SEPHS1: variants seen among roughly 807,000 people sequenced by gnomAD.
SEPHS1 encodes the protein zincore component SEPHS1.
SEPHS1 carries 7 observed loss-of-function variants against 39.2 expected under a neutral mutation model. The ratio of observed to expected loss-of-function variants is 0.18; its 90% CI spans 0.10 to 0.34. The LOEUF (loss-of-function observed/expected upper bound fraction) is 0.34, where lower values mean the gene tolerates loss of function less well. SEPHS1 is among the 10% of genes least tolerant of loss of function. The pLI is 1.00. For synonymous variants in SEPHS1, 190 were observed against 195.5 expected, an observed-to-expected ratio of 0.97 and a Z score of 0.23; for missense variants, 253 against 514.5, an observed-to-expected ratio of 0.49 and a Z score of 4.92.
At position 13,326,071 on chromosome 10, in the gene SEPHS1, A is replaced by G. The variant is rs1400462319; in HGVS notation, c.751+2280T>C. ...TTTTGAGTTAATCTTCACGAAAGGT[A>G]TAAGATCTGCATCCAGAATAATTTT... On this transcript the variant is annotated intron_variant, in intron 7 of 8. Transcript: ENST00000327347. Among the ~76,000 whole-genome samples the G allele has an allele frequency of 2.0e-5, 3 of 152,180 alleles. No homozygotes were observed. The East Asian group carries it at 5.8e-4, about 29-fold the overall frequency.
intron 6 of SEPHS1, among the ~76,000 whole-genome samples, chr10:13,328,772 C>A (rs1357705215): frequency 6.6e-6 from 1 of 152,152 alleles, no homozygotes; most frequent in East Asian, 1.9e-4. Context: ...GAAGGGCTCC[C>A]CCATCCGTGA....
At chr10:13,319,396 G>A (rs1171864587) in intron 8 of SEPHS1, 40 bp from the exon 9 acceptor site, 16 of 1,597,530 alleles carry the variant, frequency 1.0e-5, no homozygotes, top group African/African-American at 2.7e-5. Flanking sequence ...GTGTTGACAT[G>A]ACAGCAGCTT....
At chr10:13,346,762 G>A (rs907140348) in intron 1 of SEPHS1, among the ~76,000 whole-genome samples, 1 of 152,116 alleles carries the variant, frequency 6.6e-6, no homozygotes, top group African/African-American at 2.4e-5. Flanking sequence ...GAGGCATCCA[G>A]TTATTTTCCT....
chr10:13,338,671 TTCCAG>T (rs1195484750), intron 3 of SEPHS1, 29 bp downstream of exon 3: 3 of 1,532,778 alleles, frequency 2.0e-6, no homozygotes, highest in Non-Finnish European at 1.8e-6. Flanking sequence ...AAATAAGCCC[TTCCAG>T]TCACAAAAAC....
In SEPHS1 at chr10:13,348,016, C is replaced by T. The variant is rs1373211934; in HGVS notation, c.-95G>A. 1 of 149,318 alleles carries T rather than the reference C, an allele frequency of 6.7e-6. No homozygotes were observed. Among genetic ancestry groups the T allele is most frequent in the Admixed American group, 6.6e-5 (1 of 15,086 alleles). 9.2% of individuals were successfully genotyped at this position (149,318 alleles called of 1,614,324 possible). On this transcript the variant is annotated 5_prime_UTR_variant, in exon 1 of 9. Coordinates refer to ENST00000327347, the MANE Select transcript of SEPHS1 (RefSeq NM_012247.5). Reference sequence around the variant, plus strand: ...GCCGCTTACCGGCTCGCTTTGCGCCCTCCGCCTCCTCCCGAAAACGGGCCG... The same window carrying T: ...GCCGCTTACCGGCTCGCTTTGCGCCTTCCGCCTCCTCCCGAAAACGGGCCG...
intron 2 of SEPHS1, among the ~76,000 whole-genome samples, chr10:13,339,140 G>A (rs186616927): frequency 7.9e-5 from 12 of 152,196 alleles, no homozygotes; most frequent in Non-Finnish European, 1.5e-4. Flanking sequence ...GACTGGTACC[G>A]TATACAATTT....
intron 4 of SEPHS1, among the ~76,000 whole-genome samples, chr10:13,334,880 C>G (rs1833580968): frequency 6.6e-6 from 1 of 152,230 alleles, no homozygotes; most frequent in South Asian, 2.1e-4. Flanking sequence ...AGCCAGCTGT[C>G]CAGTGCTCCT....
intron 2 of SEPHS1, among the ~76,000 whole-genome samples, chr10:13,339,206 G>A (rs1441226380): frequency 6.6e-6 from 1 of 152,194 alleles, no homozygotes; most frequent in Non-Finnish European, 1.5e-5. Context: ...TATAGTTATT[G>A]TGCGTACATC....
At chr10:13,336,149 C>A in intron 4 of SEPHS1, 94 bp downstream of exon 4, 1 of 802,764 alleles carries the variant, frequency 1.2e-6, no homozygotes, top group Non-Finnish European at 2.1e-6. Flanking sequence ...GGCCTGGGCT[C>A]CTCGCTTTCT....
chr10:13,347,888 C>A (rs1833980210), intron 1 of SEPHS1, 112 bp downstream of exon 1: 1 of 145,664 alleles, frequency 6.9e-6, no homozygotes, highest in Non-Finnish European at 1.5e-5. Context: ...CGCGCGGCTC[C>A]CCGGCGGTCC....
At chr10:13,347,727 G>A (rs1833969771) in intron 1 of SEPHS1, among the ~76,000 whole-genome samples, 2 of 146,096 alleles carry the variant, frequency 1.4e-5, no homozygotes, top group Non-Finnish European at 3.0e-5. Flanking sequence ...CGTGGCCGCC[G>A]CCGCCCTCCC....
Position 13,344,740 on chromosome 10 carries a change from A to G in SEPHS1, c.193+18T>C. The G allele has an allele frequency of 6.9e-7, 1 of 1,454,488 alleles. No homozygotes were observed. Among genetic ancestry groups the G allele is most frequent in the Non-Finnish European group, 9.1e-7 (1 of 1,093,670 alleles). 90.1% of individuals were successfully genotyped at this position (1,454,488 alleles called of 1,614,324 possible). On this transcript the variant is annotated intron_variant, in intron 2 of 8. Coordinates refer to ENST00000327347, the MANE Select transcript of SEPHS1 (RefSeq NM_012247.5). ...CTGATTGGATCGCAGACCATCAAAGAAACACTGGGTTACCTACCAAGCCTT... is the reference window on the plus strand; with the variant it reads ...CTGATTGGATCGCAGACCATCAAAGGAACACTGGGTTACCTACCAAGCCTT...
intron 5 of SEPHS1, among the ~76,000 whole-genome samples, chr10:13,333,175 C>T (rs1291021503): frequency 6.6e-6 from 1 of 151,548 alleles, no homozygotes; most frequent in Non-Finnish European, 1.5e-5. Flanking sequence ...CTCTTGTTGC[C>T]CAGGCTGGAG....
In SEPHS1 at chr10:13,317,540, C is replaced by G. The variant is rs1343039734; in HGVS notation, c.*1602G>C. On this transcript the variant is annotated 3_prime_UTR_variant, in exon 9 of 9. Transcript: ENST00000327347. ...TAAAATGTCCAATCACTTTCAGTTCCGTAGCAGGCTCTTCCATACTGCACA... is the reference window on the plus strand; with the variant it reads ...TAAAATGTCCAATCACTTTCAGTTCGGTAGCAGGCTCTTCCATACTGCACA... The G allele has an allele frequency of 6.6e-6, 1 of 152,188 alleles. No homozygotes were observed. The highest frequency in any genetic ancestry group is 1.5e-5 in the Non-Finnish European group (1 of 68,060). The allele number at this position is 152,188 out of a possible 1,614,324, so 9.4% of individuals were successfully genotyped here. A position where few individuals can be genotyped will look rare whatever the true frequency, so the allele number is the denominator to read the frequency against.
chr10:13,347,795 G>A (rs1320005843), intron 1 of SEPHS1, among the ~76,000 whole-genome samples: 1 of 135,950 alleles, frequency 7.4e-6, no homozygotes, highest in Non-Finnish European at 1.6e-5. Context: ...CGGCGGCGGC[G>A]GCGCGGGCGG....
chr10:13,333,813 T>C lies in SEPHS1; in HGVS notation c.560+4A>G. On this transcript the variant is annotated splice_donor_region_variant and intron_variant, in intron 5 of 8. Transcript: ENST00000327347. ...CAGGTGATATGAAACAAAAATCAAC[T>C]TACATGATAAATTCATTGGGTTGGC... 1 of 1,612,336 alleles carries C rather than the reference T, an allele frequency of 6.2e-7. No individual in the cohort carries two copies. Among genetic ancestry groups the C allele is most frequent in the Non-Finnish European group, 8.5e-7 (1 of 1,179,606 alleles).
chr10:13,334,868 G>A (rs1360755567), intron 4 of SEPHS1, among the ~76,000 whole-genome samples: 1 of 152,222 alleles, frequency 6.6e-6, no homozygotes. Flanking sequence ...ATGACTGCTG[G>A]AAGCCAGCTG....
Position 13,345,187 on chromosome 10 carries a change from T to TC in SEPHS1, c.-78-160dup, listed in dbSNP as rs1833888655. On this transcript the variant is annotated intron_variant, in intron 1 of 8. Coordinates refer to ENST00000327347, the MANE Select transcript of SEPHS1 (RefSeq NM_012247.5). Reference sequence around the variant, plus strand: ...ACAGCAGTGCATATGACAAAATAGATCTTTTCATAACGGGACTGCGTCAGC... The same window carrying TC: ...ACAGCAGTGCATATGACAAAATAGATCCTTTTCATAACGGGACTGCGTCAGC... 3 of 368,746 alleles carry TC rather than the reference T, an allele frequency of 8.1e-6. No homozygotes were observed. The East Asian group carries it at 1.2e-4, about 15-fold the overall frequency. 22.8% of individuals were successfully genotyped at this position (368,746 alleles called of 1,614,324 possible).
At chr10:13,334,789 C>A (rs1588542649) in intron 4 of SEPHS1, among the ~76,000 whole-genome samples, 2 of 152,226 alleles carry the variant, frequency 1.3e-5, no homozygotes, top group East Asian at 3.8e-4. Context: ...ATGTTCTAGA[C>A]AACAATGTAA....
Sources: allele counts gnomAD v4.1 joint callset (sites outside exome capture counted in the v4.1 genomes callset), GRCh38; gene constraint gnomAD v4.1.1; transcripts MANE v1.5; gene names NCBI Gene and HGNC (gene_info 2026-07-23, HGNC 2026-07-21).